The following TIPIN variants were observed in gnomAD, a reference collection of about 807,000 sequenced individuals.
TIPIN encodes the protein TIMELESS interacting protein.
In TIPIN, 29 loss-of-function variants were observed where a neutral mutation model predicts 35.6. That is an observed-to-expected ratio of 0.82 (90% CI 0.61 to 1.11). TIPIN has a LOEUF of 1.11. TIPIN is among the 50% of genes most tolerant of loss of function. TIPIN has a pLI of 0.00. For synonymous variants in TIPIN, 102 were observed against 121.5 expected, an observed-to-expected ratio of 0.84 and a Z score of 1.06; for missense variants, 296 against 345.4, an observed-to-expected ratio of 0.86 and a Z score of 1.13.
intron 4 of TIPIN, 72 bp downstream of exon 4, chr15:66,351,453 A>C (rs1407363440): frequency 7.0e-6 from 8 of 1,149,470 alleles, no homozygotes; most frequent in Non-Finnish European, 1.0e-5. Flanking sequence ...TGAGATTTCC[A>C]AGATCATAAT....
In TIPIN at chr15:66,349,142, T is replaced by G; in HGVS notation, c.412-19A>C. The stretch of plus-strand genomic sequence containing the variant: ...AACAGGTCTGAAAATGAAAAGAGAT[T>G]ATTTATTTTTACCTCTTTACCAATC... On this transcript the variant is annotated intron_variant, in intron 5 of 7. Transcript: ENST00000261881. 1.2e-6 allele frequency: 2 copies of G among 1,607,486 alleles called. No homozygotes were observed. The highest frequency in any genetic ancestry group is 1.7e-6 in the Non-Finnish European group (2 of 1,175,974).
In TIPIN at chr15:66,336,933, A is replaced by G; in HGVS notation, c.*25T>C. On this transcript the variant is annotated 3_prime_UTR_variant, in exon 8 of 8. Coordinates refer to ENST00000261881, the MANE Select transcript of TIPIN (RefSeq NM_017858.3). ...CAAGCTTGCAGGACGATGACTTAAC[A>G]GATACATTTTCTCTTAATGGAAACT... 6.3e-7 allele frequency: 1 copy of G among 1,596,258 alleles called. No individual in the cohort carries two copies. Among genetic ancestry groups the G allele is most frequent in the Admixed American group, 1.7e-5 (1 of 59,640 alleles).
chr15:66,380,007 T>C, intron 1 of TIPIN: 1 of 621,722 alleles, frequency 1.6e-6, no homozygotes, highest in Non-Finnish European at 2.5e-6. Context: ...TCTTTCTTTT[T>C]TTTTTTTTTT....
At chr15:66,380,911 TTC>T (rs2093316448) in intron 1 of TIPIN, among the ~76,000 whole-genome samples, 1 of 152,034 alleles carries the variant, frequency 6.6e-6, no homozygotes, top group Admixed American at 6.6e-5. Flanking sequence ...TGAAAGTCTT[TTC>T]TTGTCCAGTA....
intron 6 of TIPIN, among the ~76,000 whole-genome samples, chr15:66,347,041 C>T (rs1212896503): frequency 1.3e-5 from 2 of 152,122 alleles, no homozygotes; most frequent in South Asian, 2.1e-4. Flanking sequence ...GTGATCCACC[C>T]GCCTCGGCCT....
intron 4 of TIPIN, among the ~76,000 whole-genome samples, chr15:66,350,013 G>A (rs1163641449): frequency 2.0e-5 from 3 of 151,984 alleles, no homozygotes; most frequent in African/African-American, 4.8e-5. Context: ...CCAAGCTGAA[G>A]TGCAAGGGCG....
chr15:66,361,405 G>A (rs1229205509), upstream of TIPIN, among the ~76,000 whole-genome samples: 6 of 151,128 alleles, frequency 4.0e-5, no homozygotes, highest in African/African-American at 7.3e-5. Flanking sequence ...ACAGGCGCCC[G>A]CCACCACGCC....
At position 66,379,541 on chromosome 15, in the gene TIPIN, C is replaced by G. The variant is rs982425457; in HGVS notation, c.-9+7066G>C. The G allele has an allele frequency of 1.2e-4, 198 of 1,609,702 alleles. 1 individual carries two copies. In the Admixed American group the frequency reaches 3.3e-3, roughly 26 times the overall value. On this transcript the variant is annotated intron_variant, in intron 1 of 7. Transcript: ENST00000562124. The stretch of plus-strand genomic sequence containing the variant: ...AAGCAACACCTGGTCTCATCCGCAC[C>G]CTGCGGATGTATTTTTCACCCAAGA...
upstream of TIPIN, among the ~76,000 whole-genome samples, chr15:66,360,518 A>C (rs940819158): frequency 6.6e-6 from 1 of 152,112 alleles, no homozygotes; most frequent in Non-Finnish European, 1.5e-5. Context: ...CACAGTTGTC[A>C]GTCATTGATA....
intron 1 of TIPIN, among the ~76,000 whole-genome samples, chr15:66,364,966 C>CAAAAAAAAAAAAAAAAAAAA (rs138230933): frequency 2.6e-5 from 2 of 76,132 alleles, no homozygotes; most frequent in Non-Finnish European, 2.4e-5. Context: ...AACTCCATCT[C>CAAAAAAAAAAAAAAAAAAAA]AAAAAAAAAG....
chr15:66,369,904 G>T (rs1410952863), intron 1 of TIPIN, among the ~76,000 whole-genome samples: 1 of 152,078 alleles, frequency 6.6e-6, no homozygotes, highest in Non-Finnish European at 1.5e-5. Flanking sequence ...TGTAATCTTT[G>T]CAAAGCACTT....
At chr15:66,380,580 C>T (rs544933278) in intron 1 of TIPIN, among the ~76,000 whole-genome samples, 30 of 151,704 alleles carry the variant, frequency 2.0e-4, no homozygotes, top group East Asian at 5.9e-4. Flanking sequence ...TTTGGGAGGC[C>T]GAGGTGGGTG....
At chr15:66,347,737 C>T (rs1057497865) in intron 6 of TIPIN, among the ~76,000 whole-genome samples, 1 of 152,204 alleles carries the variant, frequency 6.6e-6, no homozygotes, top group African/African-American at 2.4e-5. Context: ...GCGTGCACCA[C>T]CCCACTCAGC....
intron 1 of TIPIN, among the ~76,000 whole-genome samples, chr15:66,378,265 T>G (rs545823755): frequency 6.6e-6 from 1 of 152,240 alleles, no homozygotes; most frequent in African/African-American, 2.4e-5. Flanking sequence ...CTTCCCAAAG[T>G]GCTGGGATTA....
intron 6 of TIPIN, among the ~76,000 whole-genome samples, chr15:66,347,016 C>T (rs767229282): frequency 3.9e-5 from 6 of 151,972 alleles, no homozygotes; most frequent in Admixed American, 6.6e-5. Flanking sequence ...AGGATGGTCT[C>T]GATCTCCTGA....
intron 1 of TIPIN, among the ~76,000 whole-genome samples, chr15:66,362,901 G>A (rs1460872717): frequency 6.6e-6 from 1 of 152,158 alleles, no homozygotes; most frequent in Admixed American, 6.6e-5. Flanking sequence ...GTGGTCTGCT[G>A]TGTATTTGAG....
At chr15:66,382,651 G>T (rs1013550338) in intron 1 of TIPIN, among the ~76,000 whole-genome samples, 4 of 152,094 alleles carry the variant, frequency 2.6e-5, no homozygotes, top group African/African-American at 9.7e-5. Flanking sequence ...CTGGGATTAC[G>T]GGAGTGACAG....
chr15:66,381,650 ATCAT>A (rs1483873330), intron 1 of TIPIN, among the ~76,000 whole-genome samples: 3 of 152,136 alleles, frequency 2.0e-5, no homozygotes, highest in African/African-American at 7.2e-5. Flanking sequence ...TACTATGTTG[ATCAT>A]TCTTCTGTAT....
At chr15:66,350,960 A>G (rs2140461342) in intron 4 of TIPIN, among the ~76,000 whole-genome samples, 1 of 149,670 alleles carries the variant, frequency 6.7e-6, no homozygotes, top group Non-Finnish European at 1.5e-5. Context: ...AAAAAAAAAA[A>G]GAATATATTA....
Sources: gnomAD v4.1 joint callset for allele counts (sites outside exome capture counted in the v4.1 genomes callset) on GRCh38, gnomAD v4.1.1 for gene constraint, MANE v1.5 for transcripts, NCBI Gene and HGNC (gene_info 2026-07-23, HGNC 2026-07-21) for gene names.